Variants in PLEKHM3 observed in about 807,000 individuals in gnomAD.
The protein encoded by PLEKHM3 is pleckstrin homology domain containing M3.
In PLEKHM3, 45 loss-of-function variants were observed where a neutral mutation model predicts 81.8. The ratio of observed to expected loss-of-function variants is 0.55; its 90% CI spans 0.43 to 0.71. The LOEUF is 0.71. PLEKHM3 is among the 30% of genes least tolerant of loss of function. PLEKHM3 has a pLI of 0.00. For missense variants in PLEKHM3, 788 were observed against 924.3 expected (o/e 0.85, Z 1.91); for synonymous variants, 352 against 356.4 (o/e 0.99, Z 0.14).
chr2:207,858,893 A>T (rs1226729190), intron 7 of PLEKHM3, among the ~76,000 whole-genome samples: 1 of 152,040 alleles, frequency 6.6e-6, no homozygotes, highest in Non-Finnish European at 1.5e-5. Flanking sequence ...CATTACCACA[A>T]TCTAATTCCA....
chr2:207,957,224 C>T (rs964246075), intron 3 of PLEKHM3, among the ~76,000 whole-genome samples: 5 of 152,142 alleles, frequency 3.3e-5, no homozygotes, highest in Admixed American at 1.3e-4. Context: ...ATGCTTAAAG[C>T]TCAGGTGATT....
intron 7 of PLEKHM3, among the ~76,000 whole-genome samples, chr2:207,840,083 C>A (rs1215111360): frequency 6.6e-6 from 1 of 152,186 alleles, no homozygotes; most frequent in Non-Finnish European, 1.5e-5. Flanking sequence ...ACTTCTAAGT[C>A]AATCATTGCT....
chr2:207,966,516 G>A (rs1033678398), intron 3 of PLEKHM3, among the ~76,000 whole-genome samples: 15 of 152,114 alleles, frequency 9.9e-5, no homozygotes, highest in African/African-American at 3.1e-4. Context: ...ACGGTTTTTA[G>A]CTCCTTCACT....
chr2:207,957,684 C>T (rs758143720), intron 3 of PLEKHM3, among the ~76,000 whole-genome samples: 10 of 151,700 alleles, frequency 6.6e-5, no homozygotes, highest in Non-Finnish European at 1.3e-4. Context: ...GGTGACAGAG[C>T]GAGACTCTGT....
intron 5 of PLEKHM3, among the ~76,000 whole-genome samples, chr2:207,925,756 C>A (rs181034023): frequency 4.8e-4 from 73 of 152,278 alleles, no homozygotes; most frequent in Non-Finnish European, 8.7e-4. Context: ...TCCCTCAAAT[C>A]ACTGTACCGC....
At chr2:207,931,205 A>C in intron 4 of PLEKHM3, 86 bp from the exon 5 acceptor site, 42 of 1,243,778 alleles carry the variant, frequency 3.4e-5, no homozygotes, top group Non-Finnish European at 4.3e-5. Context: ...CTGAAATATC[A>C]AAGGAACACG....
intron 6 of PLEKHM3, among the ~76,000 whole-genome samples, chr2:207,874,024 T>G (rs944192468): frequency 2.0e-5 from 3 of 152,198 alleles, no homozygotes; most frequent in Non-Finnish European, 4.4e-5. Flanking sequence ...TGCTTCAAGG[T>G]CCACAAGTAG....
chr2:207,918,554 AC>A (rs1689075706), intron 5 of PLEKHM3, among the ~76,000 whole-genome samples: 1 of 150,418 alleles, frequency 6.6e-6, no homozygotes, highest in African/African-American at 2.5e-5. Context: ...AAACAAACAA[AC>A]AAACAAACAA....
intron 7 of PLEKHM3, among the ~76,000 whole-genome samples, chr2:207,846,622 C>A (rs772063227): frequency 2.0e-5 from 3 of 151,796 alleles, no homozygotes; most frequent in Non-Finnish European, 4.4e-5. Context: ...ACTCGGCAGG[C>A]TGAGGTGAGA....
intron 2 of PLEKHM3, among the ~76,000 whole-genome samples, chr2:207,980,608 A>G (rs1265415619): frequency 6.6e-6 from 1 of 152,046 alleles, no homozygotes; most frequent in Non-Finnish European, 1.5e-5. Context: ...TTACTCTGTC[A>G]CCCAGACTGG....
Position 207,828,361 on chromosome 2 carries a change from C to T in PLEKHM3, c.2244G>A (p.Glu748=). The T allele has an allele frequency of 1.9e-6, 3 of 1,614,040 alleles. No homozygotes were observed. Reference sequence around the variant, plus strand: ...ACAGCTCGAACATGGTGCAAGCCTCCTCTAGACTCTCGTCCATGTTCAGTC... The same window carrying T: ...ACAGCTCGAACATGGTGCAAGCCTCTTCTAGACTCTCGTCCATGTTCAGTC... ...WQRLNMDESL[E]EACTMFELSY... is the part of the protein sequence containing the mutation. The change falls in exon 8 of 8, where the codon GAG becomes GAA. Residue 748 remains glutamate, a synonymous_variant. Coordinates refer to ENST00000427836, the MANE Select transcript of PLEKHM3 (RefSeq NM_001080475.3).
At chr2:207,939,402 C>T (rs79447892) in intron 4 of PLEKHM3, among the ~76,000 whole-genome samples, 2,019 of 152,024 alleles carry the variant, frequency 0.013, 52 homozygotes, top group African/African-American at 0.046. Context: ...TGAAACAGCA[C>T]GGTATGACAG....
At chr2:207,882,290 TTC>T (rs1481725452) in intron 6 of PLEKHM3, among the ~76,000 whole-genome samples, 1 of 151,770 alleles carries the variant, frequency 6.6e-6, no homozygotes, top group Non-Finnish European at 1.5e-5. Context: ...TTGTTTTCTC[TTC>T]TCTCTCTCTC....
At chr2:207,927,871 C>G (rs1689455243) in intron 5 of PLEKHM3, among the ~76,000 whole-genome samples, 1 of 152,152 alleles carries the variant, frequency 6.6e-6, no homozygotes, top group South Asian at 2.1e-4. Context: ...GAAGTATGGA[C>G]ACCCTGGCAA....
intron 3 of PLEKHM3, among the ~76,000 whole-genome samples, chr2:207,970,170 T>C (rs1018682074): frequency 1.3e-5 from 2 of 151,592 alleles, no homozygotes; most frequent in African/African-American, 4.9e-5. Flanking sequence ...CTGAAAAGCT[T>C]TGGGGGAAAA....
intron 3 of PLEKHM3, among the ~76,000 whole-genome samples, chr2:207,970,330 C>A (rs1326084149): frequency 6.6e-6 from 1 of 151,548 alleles, no homozygotes; most frequent in African/African-American, 2.4e-5. Flanking sequence ...TGCCCCCCCA[C>A]CCCCCACCCC....
chr2:207,842,581 T>C (rs538456948), intron 7 of PLEKHM3, among the ~76,000 whole-genome samples: 4 of 150,758 alleles, frequency 2.7e-5, no homozygotes, highest in African/African-American at 1.0e-4. Flanking sequence ...TATATTAACA[T>C]TGAAGGAGGG....
intron 4 of PLEKHM3, among the ~76,000 whole-genome samples, chr2:207,944,537 T>C (rs959575546): frequency 5.3e-5 from 8 of 152,220 alleles, no homozygotes; most frequent in African/African-American, 1.4e-4. Flanking sequence ...CACCCCTATT[T>C]TCTCTACGAA....
intron 7 of PLEKHM3, among the ~76,000 whole-genome samples, chr2:207,839,719 C>T (rs1406630832): frequency 1.3e-5 from 2 of 151,964 alleles, no homozygotes; most frequent in African/African-American, 4.8e-5. Context: ...TGATCCTGCC[C>T]AGGAGTTCAG....
Sources: allele counts gnomAD v4.1 joint callset (sites outside exome capture counted in the v4.1 genomes callset), GRCh38; gene constraint gnomAD v4.1.1; transcripts MANE v1.5; gene names NCBI Gene and HGNC (gene_info 2026-07-23, HGNC 2026-07-21).